Variants in SYTL2 observed in about 807,000 individuals in gnomAD.
SYTL2 encodes synaptotagmin like 2.
A neutral mutation model predicts 198.7 loss-of-function variants in SYTL2; 165 were observed. The ratio of observed to expected loss-of-function variants is 0.83; its 90% confidence interval spans 0.73 to 0.94. The LOEUF (loss-of-function observed/expected upper bound fraction) is 0.94. Ranked by LOEUF, SYTL2 falls within the 40% of genes least tolerant of loss-of-function variation. The pLI, the probability that SYTL2 is intolerant of heterozygous loss-of-function variation, is 0.00. For missense variants in SYTL2, 2,835 were observed against 2,582.8 expected (o/e 1.10, Z -2.12); for synonymous variants, 966 against 917.7 (o/e 1.05, Z -0.95).
At chr11:85,779,467 G>A (rs1017870979) in intron 1 of SYTL2, among the ~76,000 whole-genome samples, 6 of 152,138 alleles carry the variant, frequency 3.9e-5, no homozygotes, top group Non-Finnish European at 7.3e-5. Flanking sequence ...GTTCAGAGAA[G>A]CAGAATAATT....
chr11:85,798,138 C>T (rs938115469), intron 1 of SYTL2, among the ~76,000 whole-genome samples: 7 of 151,872 alleles, frequency 4.6e-5, no homozygotes, highest in African/African-American at 1.5e-4. Flanking sequence ...GGATTACAGG[C>T]GTGAGCCACT....
chr11:85,756,853 G>T (rs908529129), intron 2 of SYTL2, among the ~76,000 whole-genome samples: 1 of 152,174 alleles, frequency 6.6e-6, no homozygotes, highest in African/African-American at 2.4e-5. Flanking sequence ...CATATCTTAT[G>T]CTCCTTTTGG....
At chr11:85,750,558 C>T (rs1174363122) in intron 2 of SYTL2, among the ~76,000 whole-genome samples, 1 of 152,156 alleles carries the variant, frequency 6.6e-6, no homozygotes, top group East Asian at 1.9e-4. Flanking sequence ...GTTGTACTCA[C>T]TAACCTGTGG....
the SYTL2 span, among the ~76,000 whole-genome samples, chr11:85,838,511 T>C: frequency 6.6e-6 from 1 of 152,170 alleles, no homozygotes; most frequent in African/African-American, 2.4e-5. Context: ...CAGCATCTGC[T>C]TGGCCTCTAG....
At chr11:85,836,101 C>T in the SYTL2 span, among the ~76,000 whole-genome samples, 1 of 152,132 alleles carries the variant, frequency 6.6e-6, no homozygotes, top group Non-Finnish European at 1.5e-5. Flanking sequence ...TCCTTTGGTG[C>T]TAATAGCTCC....
rs1488306110 is a variant in SYTL2 at position 85,757,802 on chromosome 11, CA to C, written c.-78del. On this transcript the variant is annotated 5_prime_UTR_variant, in exon 2 of 20. Coordinates refer to ENST00000359152, the MANE Select transcript of SYTL2 (RefSeq NM_206927.4). ...AGGGCTGAACAACTAAGACTGCAAC[CA>C]GGAAGATTAAAACACACAAAAATGA... is the stretch of plus-strand genomic sequence containing the variant. 4.4e-6 allele frequency: 7 copies of C among 1,583,950 alleles called. No individual in the cohort carries two copies. The Admixed American group carries it at 5.1e-5, about 11-fold the overall frequency.
the SYTL2 span, among the ~76,000 whole-genome samples, chr11:85,850,231 A>G: frequency 2.0e-3 from 297 of 150,738 alleles, 3 homozygotes; most frequent in East Asian, 5.8e-4. Context: ...TGTCGTCTGC[A>G]AACAGGGACA....
At chr11:85,791,527 G>C (rs944076578) in intron 1 of SYTL2, among the ~76,000 whole-genome samples, 2 of 152,162 alleles carry the variant, frequency 1.3e-5, no homozygotes, top group African/African-American at 4.8e-5. Context: ...TGAGGATTGG[G>C]ATGATGAACT....
At chr11:85,735,764 A>G (rs192629781) in intron 6 of SYTL2, among the ~76,000 whole-genome samples, 1 of 152,316 alleles carries the variant, frequency 6.6e-6, no homozygotes, top group Admixed American at 6.5e-5. Context: ...GGCCAAAAAA[A>G]AAAAAGAAAA....
chr11:85,725,387 A>G lies in SYTL2; in HGVS notation c.3971T>C (p.Val1324Ala), dbSNP rs765523204. 1.2e-6 allele frequency: 2 copies of G among 1,614,064 alleles called. 1 individual carries two copies. Among genetic ancestry groups the G allele is most frequent in the South Asian group, 2.2e-5 (2 of 91,078 alleles). Residue 1324 changes from valine to alanine, a missense_variant, in exon 8 of 20, where the codon GTG becomes GCG. This residue lies in a region of SYTL2 where 2,645 missense variants were observed against 2,381.7 expected (regional missense o/e 1.11). Transcript: ENST00000359152. ...QLSRKGSFGD[V>A]ASPPQDMLFP... Reference sequence around the variant, plus strand: ...AAGCATATCTTGGGGAGGGCTGGCCACATCCCCAAAAGAACCCTTTCTGGA... The same window carrying G: ...AAGCATATCTTGGGGAGGGCTGGCCGCATCCCCAAAAGAACCCTTTCTGGA...
At chr11:85,849,167 T>A in the SYTL2 span, among the ~76,000 whole-genome samples, 1 of 152,230 alleles carries the variant, frequency 6.6e-6, no homozygotes, top group African/African-American at 2.4e-5. Context: ...TTTGTTTGAG[T>A]TCATTGTAGA....
intron 15 of SYTL2, among the ~76,000 whole-genome samples, chr11:85,706,828 G>GT (rs1227364774): frequency 1.3e-5 from 2 of 150,300 alleles, no homozygotes; most frequent in South Asian, 4.2e-4. Context: ...GGTTTTTTTT[G>GT]TTTTTTGTTT....
chr11:85,791,366 A>G (rs1418924796), intron 1 of SYTL2, among the ~76,000 whole-genome samples: 2 of 152,054 alleles, frequency 1.3e-5, no homozygotes. Flanking sequence ...AATCTTTGCA[A>G]TGATTAAGGA....
At chr11:85,814,715 A>G (rs887743045), upstream of SYTL2, among the ~76,000 whole-genome samples, 1 of 152,222 alleles carries the variant, frequency 6.6e-6, no homozygotes, top group Non-Finnish European at 1.5e-5. Flanking sequence ...AGTCACAGGC[A>G]CATTGCTAAA....
At chr11:85,820,808 T>C in the SYTL2 span, among the ~76,000 whole-genome samples, 1 of 152,226 alleles carries the variant, frequency 6.6e-6, no homozygotes, top group African/African-American at 2.4e-5. Flanking sequence ...AAAAAGACTT[T>C]AGGCTGCACA....
intron 1 of SYTL2, among the ~76,000 whole-genome samples, chr11:85,798,834 T>C (rs1024483938): frequency 3.9e-5 from 6 of 152,174 alleles, no homozygotes; most frequent in African/African-American, 1.2e-4. Flanking sequence ...CCCTGGCATG[T>C]ACCCAAATTC....
chr11:85,844,865 G>C, the SYTL2 span, among the ~76,000 whole-genome samples: 2 of 152,064 alleles, frequency 1.3e-5, no homozygotes, highest in African/African-American at 4.8e-5. Flanking sequence ...CTTCTGTATG[G>C]CTCAGAGGAC....
At chr11:85,795,523 C>A (rs1216734714) in intron 1 of SYTL2, among the ~76,000 whole-genome samples, 1 of 152,134 alleles carries the variant, frequency 6.6e-6, no homozygotes, top group East Asian at 1.9e-4. Context: ...AGCACTTTCA[C>A]TGTATTTTCT....
intron 1 of SYTL2, among the ~76,000 whole-genome samples, chr11:85,798,872 C>T (rs1262414883): frequency 1.3e-5 from 2 of 152,166 alleles, no homozygotes; most frequent in Admixed American, 6.5e-5. Context: ...AGCAGGTGCT[C>T]GGCATAAACC....
Sources: gnomAD v4.1 joint callset for allele counts (sites outside exome capture counted in the v4.1 genomes callset) on GRCh38, gnomAD v4.1.1 for gene constraint, gnomAD v4.1.1 regional missense constraint, MANE v1.5 for transcripts, NCBI Gene and HGNC (gene_info 2026-07-23, HGNC 2026-07-21) for gene names.